The following GLIS1 variants were observed in gnomAD, a reference collection of about 807,000 sequenced individuals.
GLIS1 encodes the protein GLIS family zinc finger 1, also known as zinc finger protein GLIS1.
Under a neutral mutation model 63.8 loss-of-function variants are expected in GLIS1, and 24 were observed. The ratio of observed to expected loss-of-function variants is 0.38; its 90% CI spans 0.27 to 0.53. The LOEUF is 0.53. Among genes scored for constraint, GLIS1 ranks in the 20% least tolerant of loss-of-function variants. GLIS1 has a pLI of 0.85. For synonymous variants in GLIS1, 450 were observed against 482.5 expected, an observed-to-expected ratio of 0.93 and a Z score of 0.88; for missense variants, 1,036 against 1,074.1, an observed-to-expected ratio of 0.96 and a Z score of 0.50.
chr1:53,546,931 C>G (rs548861934), intron 4 of GLIS1, among the ~76,000 whole-genome samples: 139 of 123,056 alleles, frequency 1.1e-3, no homozygotes, highest in Non-Finnish European at 2.2e-3. Context: ...GGCTCTGCGC[C>G]TCTTTCTTCC....
intron 2 of GLIS1, among the ~76,000 whole-genome samples, chr1:53,624,515 T>C (rs987238603): frequency 4.0e-5 from 6 of 151,884 alleles, no homozygotes; most frequent in African/African-American, 1.4e-4. Flanking sequence ...AGTTGATAAA[T>C]TGGACTAAAT....
At chr1:53,718,811 C>A (rs1333261616) in intron 2 of GLIS1, among the ~76,000 whole-genome samples, 1 of 152,156 alleles carries the variant, frequency 6.6e-6, no homozygotes, top group Non-Finnish European at 1.5e-5. Flanking sequence ...ACAGTCTCAT[C>A]TTAGTAATTA....
At chr1:53,738,344 G>A (rs1464471255) in intron 1 of GLIS1, among the ~76,000 whole-genome samples, 1 of 152,152 alleles carries the variant, frequency 6.6e-6, no homozygotes, top group South Asian at 2.1e-4. Context: ...CCCCCGCGCC[G>A]CGGCGCATTA....
intron 2 of GLIS1, among the ~76,000 whole-genome samples, chr1:53,604,922 GTGTGTGTGTGTATATA>G (rs1426229690): frequency 5.4e-5 from 1 of 18,522 alleles, no homozygotes; most frequent in East Asian, 1.7e-3. Context: ...ATGTGTGTGT[GTGTGTGTGTGTATATA>G]TATACATATA....
rs767116732 is a variant in GLIS1 at position 53,633,272 on chromosome 1, G to A, written c.260-32994C>T. Among the ~76,000 whole-genome samples the A allele has an allele frequency of 7.9e-4, 118 of 148,752 alleles. 2 individuals are homozygous for A. The highest frequency in any genetic ancestry group is 2.8e-4 in the Non-Finnish European group (19 of 67,134). The stretch of plus-strand genomic sequence containing the variant: ...GGGCGTGTGAATATGTGACTGAGGG[G>A]TGTGAATGAGTGTGGCTGAGGGGCG... On this transcript the variant is annotated intron_variant, in intron 2 of 10. Coordinates refer to ENST00000628545, the MANE Select transcript of GLIS1 (RefSeq NM_001367484.1).
rs772854369 is a variant in GLIS1 at position 53,585,182 on chromosome 1, TC to T, written c.1320+8925del. On this transcript the variant is annotated intron_variant, in intron 4 of 10. Coordinates refer to ENST00000628545, the MANE Select transcript of GLIS1 (RefSeq NM_001367484.1). ...AATTTGGTGCTCCTGGGAATTCTCT[TC>T]CCTGTGAGAGCTTGGGACTAACGAC... Among the ~76,000 whole-genome samples, 7 of 152,250 alleles carry T rather than the reference TC, an allele frequency of 4.6e-5. No homozygotes were observed. The South Asian group carries it at 6.2e-4, about 14-fold the overall frequency.
intron 2 of GLIS1, among the ~76,000 whole-genome samples, chr1:53,679,087 G>A (rs906339398): frequency 1.1e-4 from 17 of 152,234 alleles, no homozygotes; most frequent in African/African-American, 2.6e-4. Flanking sequence ...AGCTGCCGGC[G>A]TTCTTAGATG....
chr1:53,737,741 TGGCGACGCCG>T, intron 2 of GLIS1, 55 bp downstream of exon 2: 1 of 1,226,632 alleles, frequency 8.2e-7, no homozygotes, highest in Non-Finnish European at 1.0e-6. Context: ...GAGCACGCGG[TGGCGACGCCG>T]GGCAGCCCGA....
At chr1:53,633,363 T>C (rs1645688777) in intron 2 of GLIS1, among the ~76,000 whole-genome samples, 1 of 137,064 alleles carries the variant, frequency 7.3e-6, no homozygotes, top group African/African-American at 2.9e-5. Context: ...GAGGGGCATG[T>C]GAATGAGTGT....
At chr1:53,712,097 A>G (rs1415176945) in intron 2 of GLIS1, among the ~76,000 whole-genome samples, 3 of 152,160 alleles carry the variant, frequency 2.0e-5, no homozygotes, top group Non-Finnish European at 4.4e-5. Flanking sequence ...GTTTGATTTG[A>G]GTCCAGTTTT....
chr1:53,625,725 A>T (rs1368759700), intron 2 of GLIS1, among the ~76,000 whole-genome samples: 1 of 152,208 alleles, frequency 6.6e-6, no homozygotes, highest in Non-Finnish European at 1.5e-5. Context: ...CATTTTGCAG[A>T]TGAGAAAAGG....
intron 5 of GLIS1, among the ~76,000 whole-genome samples, chr1:53,527,422 G>A (rs868419846): frequency 5.3e-5 from 8 of 152,310 alleles, no homozygotes; most frequent in South Asian, 2.1e-4. Context: ...GTCCATGTGC[G>A]GGGCCTCACA....
intron 2 of GLIS1, among the ~76,000 whole-genome samples, chr1:53,671,109 A>G (rs1383393128): frequency 1.3e-5 from 2 of 152,064 alleles, no homozygotes; most frequent in African/African-American, 4.8e-5. Context: ...AGCAGAAGAA[A>G]CTGGTGATGT....
At chr1:53,567,351 C>T (rs1644944266) in intron 4 of GLIS1, among the ~76,000 whole-genome samples, 1 of 152,180 alleles carries the variant, frequency 6.6e-6, no homozygotes, top group Admixed American at 6.5e-5. Flanking sequence ...CTACTCCTAA[C>T]AGCATATAGT....
chr1:53,513,211 A>G (rs1390712766), intron 8 of GLIS1, among the ~76,000 whole-genome samples: 1 of 151,880 alleles, frequency 6.6e-6, no homozygotes, highest in African/African-American at 2.4e-5. Context: ...CGCTGCCTCC[A>G]GTGCCACCAC....
chr1:53,553,628 T>A (rs1021966260), intron 4 of GLIS1, among the ~76,000 whole-genome samples: 1 of 152,138 alleles, frequency 6.6e-6, no homozygotes, highest in Non-Finnish European at 1.5e-5. Flanking sequence ...GACCTTGTGG[T>A]ATGGCAGGGA....
chr1:53,553,498 A>T (rs1644783892), intron 4 of GLIS1, among the ~76,000 whole-genome samples: 1 of 152,200 alleles, frequency 6.6e-6, no homozygotes, highest in Admixed American at 6.5e-5. Context: ...GGTGAGCAAG[A>T]CACATGTGGT....
intron 2 of GLIS1, among the ~76,000 whole-genome samples, chr1:53,701,107 C>T (rs1340815413): frequency 6.6e-6 from 1 of 152,186 alleles, no homozygotes; most frequent in Non-Finnish European, 1.5e-5. Context: ...CATGTGGGCC[C>T]ATGCTTTCAG....
intron 2 of GLIS1, among the ~76,000 whole-genome samples, chr1:53,627,446 C>T (rs1408418574): frequency 6.6e-6 from 1 of 152,114 alleles, no homozygotes; most frequent in Non-Finnish European, 1.5e-5. Flanking sequence ...CTTGCTGCTC[C>T]AGCTCCGATT....
Sources: gnomAD v4.1 joint callset for allele counts (sites outside exome capture counted in the v4.1 genomes callset) on GRCh38, gnomAD v4.1.1 for gene constraint, MANE v1.5 for transcripts, NCBI Gene and HGNC (gene_info 2026-07-23, HGNC 2026-07-21) for gene names.